ESRRG: variants seen among roughly 807,000 people sequenced by gnomAD.
ESRRG encodes estrogen related receptor gamma, also known as estrogen-related receptor gamma.
A neutral mutation model predicts 44.0 loss-of-function variants in ESRRG; 13 were observed. The observed-to-expected ratio is 0.30, with a 90% CI of 0.19 to 0.47. The LOEUF (loss-of-function observed/expected upper bound fraction) is 0.47. Ranked by LOEUF, ESRRG falls within the 20% of genes least tolerant of loss-of-function variation. The pLI is 1.00. For synonymous variants in ESRRG, 215 were observed against 214.6 expected (o/e 1.00, Z -0.02); for missense variants, 395 against 580.6 (o/e 0.68, Z 3.29).
At chr1:217,059,326 A>G (rs1271572248) in intron 1 of ESRRG, among the ~76,000 whole-genome samples, 2 of 152,038 alleles carry the variant, frequency 1.3e-5, no homozygotes, top group Non-Finnish European at 2.9e-5. Flanking sequence ...TAGTTTACAT[A>G]GTTTTTATAA....
chr1:216,940,738 C>G (rs1473262549), intron 1 of ESRRG, among the ~76,000 whole-genome samples: 1 of 152,050 alleles, frequency 6.6e-6, no homozygotes, highest in African/African-American at 2.4e-5. Context: ...CTAAAGACAC[C>G]CTTCAGACTG....
At chr1:216,619,565 C>T (rs1047401724) in intron 3 of ESRRG, among the ~76,000 whole-genome samples, 11 of 152,132 alleles carry the variant, frequency 7.2e-5, no homozygotes, top group African/African-American at 2.7e-4. Flanking sequence ...CTCTTCGAAA[C>T]GGTATCTAAT....
At chr1:216,719,549 C>A (rs1161034569) in intron 1 of ESRRG, among the ~76,000 whole-genome samples, 3 of 151,692 alleles carry the variant, frequency 2.0e-5, no homozygotes, top group African/African-American at 7.2e-5. Flanking sequence ...AGAACAACAA[C>A]AAAAAAATCT....
At chr1:216,802,473 C>A (rs917212157) in intron 2 of ESRRG, among the ~76,000 whole-genome samples, 17 of 152,226 alleles carry the variant, frequency 1.1e-4, no homozygotes, top group African/African-American at 4.1e-4. Context: ...AATGCATGAA[C>A]AAAATCAAAT....
At chr1:216,664,351 G>A (rs2073320539) in intron 2 of ESRRG, among the ~76,000 whole-genome samples, 1 of 151,474 alleles carries the variant, frequency 6.6e-6, no homozygotes, top group Admixed American at 6.6e-5. Context: ...TACTTCATTG[G>A]GATGATTAAA....
intron 3 of ESRRG, among the ~76,000 whole-genome samples, chr1:216,582,088 A>G (rs2062884651): frequency 1.3e-5 from 2 of 152,232 alleles, no homozygotes; most frequent in African/African-American, 4.8e-5. Context: ...TAACTATTTA[A>G]GTTGTTCTAT....
At chr1:216,535,037 T>C (rs1397757280) in intron 5 of ESRRG, among the ~76,000 whole-genome samples, 1 of 152,130 alleles carries the variant, frequency 6.6e-6, no homozygotes, top group Non-Finnish European at 1.5e-5. Context: ...GTGGGGTTGA[T>C]GACTGACAGA....
chr1:216,775,599 C>T (rs1047244382), intron 2 of ESRRG, among the ~76,000 whole-genome samples: 2 of 99,218 alleles, frequency 2.0e-5, no homozygotes, highest in African/African-American at 3.5e-5. Context: ...TTTTAGACAG[C>T]GTCTCACGCT....
intron 2 of ESRRG, among the ~76,000 whole-genome samples, chr1:216,850,839 G>A (rs1009954180): frequency 1.3e-5 from 2 of 151,802 alleles, no homozygotes; most frequent in African/African-American, 4.8e-5. Flanking sequence ...GAATGAACGG[G>A]ACAAAAGATC....
chr1:217,005,794 C>CCCCA (rs1349559851), intron 1 of ESRRG, among the ~76,000 whole-genome samples: 31 of 151,756 alleles, frequency 2.0e-4, no homozygotes, highest in Non-Finnish European at 3.0e-4. Context: ...TTCTTTTTTT[C>CCCCA]TAAGCATTTT....
At chr1:217,027,647 A>G (rs2081425471) in intron 1 of ESRRG, among the ~76,000 whole-genome samples, 1 of 152,190 alleles carries the variant, frequency 6.6e-6, no homozygotes, top group African/African-American at 2.4e-5. Flanking sequence ...ATATGTGAAA[A>G]GAAAAAGTTT....
intron 2 of ESRRG, among the ~76,000 whole-genome samples, chr1:216,915,183 T>A (rs1364265884): frequency 6.6e-6 from 1 of 152,136 alleles, no homozygotes; most frequent in Non-Finnish European, 1.5e-5. Flanking sequence ...GCAGCACACA[T>A]TCTGTGGTTA....
At chr1:216,724,654 A>T (rs187126573), upstream of ESRRG, among the ~76,000 whole-genome samples, 12 of 152,284 alleles carry the variant, frequency 7.9e-5, no homozygotes, top group East Asian at 1.7e-3. Flanking sequence ...AAAACTAAGA[A>T]TTCTCAATCA....
intron 1 of ESRRG, among the ~76,000 whole-genome samples, chr1:216,998,099 G>C (rs1218404315): frequency 6.6e-6 from 1 of 152,040 alleles, no homozygotes; most frequent in South Asian, 2.1e-4. Context: ...TCATAGCTCT[G>C]GCTAAGGAGC....
At chr1:216,961,439 A>C (rs756268231) in intron 1 of ESRRG, among the ~76,000 whole-genome samples, 2 of 152,208 alleles carry the variant, frequency 1.3e-5, no homozygotes, top group African/African-American at 2.4e-5. Flanking sequence ...CATAAAGAAA[A>C]TAAAAGAAAC....
chr1:216,732,062 A>G (rs2152126851), intron 2 of ESRRG, among the ~76,000 whole-genome samples: 1 of 152,074 alleles, frequency 6.6e-6, no homozygotes, highest in South Asian at 2.1e-4. Flanking sequence ...TGTTTAGAAC[A>G]TTTAAAAATT....
At chr1:216,633,273 C>T (rs902628569) in intron 3 of ESRRG, among the ~76,000 whole-genome samples, 10 of 152,116 alleles carry the variant, frequency 6.6e-5, no homozygotes, top group African/African-American at 2.2e-4. Context: ...GGAGGGCCTG[C>T]GGAGGAGACA....
chr1:217,076,933 C>T (rs2091351765), intron 1 of ESRRG: 1 of 152,060 alleles, frequency 6.6e-6, no homozygotes, highest in Non-Finnish European at 1.5e-5. Context: ...GTGGGACCTG[C>T]CAAGTTTGTG....
intron 2 of ESRRG, among the ~76,000 whole-genome samples, chr1:216,654,236 T>C (rs2151102947): frequency 6.6e-6 from 1 of 152,276 alleles, no homozygotes; most frequent in Non-Finnish European, 1.5e-5. Context: ...TCAATTATGG[T>C]GTTATAATGC....
Sources: allele counts gnomAD v4.1 joint callset (sites outside exome capture counted in the v4.1 genomes callset), GRCh38; gene constraint gnomAD v4.1.1; transcripts MANE v1.5; gene names NCBI Gene and HGNC (gene_info 2026-07-23, HGNC 2026-07-21).